PRPF4: variants seen among roughly 807,000 people sequenced by gnomAD.
PRPF4 encodes the protein U4/U6 small nuclear ribonucleoprotein Prp4.
In PRPF4, 14 loss-of-function variants were observed where a neutral mutation model predicts 72.2. The ratio of observed to expected loss-of-function variants is 0.19; its 90% CI spans 0.13 to 0.30. The LOEUF is 0.30. Ranked by LOEUF, PRPF4 falls within the 10% of genes least tolerant of loss-of-function variation. PRPF4 has a pLI of 1.00. For missense variants in PRPF4, 478 were observed against 653.9 expected, an observed-to-expected ratio of 0.73 and a Z score of 2.93; for synonymous variants, 225 against 232.2, an observed-to-expected ratio of 0.97 and a Z score of 0.28.
chr9:113,285,596 G>T lies in PRPF4; in HGVS notation c.750-636G>T, dbSNP rs184652446. ...GGTTTCACCGTGTTAGCCAGGATGG[G>T]CTCGATCTCCTGACCTTGTGATCTG... On this transcript the variant is annotated intron_variant, in intron 7 of 13. Coordinates refer to ENST00000374198, the MANE Select transcript of PRPF4 (RefSeq NM_001244926.2). Among the ~76,000 whole-genome samples, 872 of 151,234 alleles carry T rather than the reference G, an allele frequency of 5.8e-3. 5 individuals carry two copies. Among genetic ancestry groups the T allele is most frequent in the Middle Eastern group, 0.014 (4 of 294 alleles).
intron 3 of PRPF4, among the ~76,000 whole-genome samples, 170 bp downstream of exon 3, chr9:113,279,301 C>T (rs12343629): frequency 0.32 from 48,591 of 151,858 alleles, 8,078 homozygotes; most frequent in South Asian, 0.53. Context: ...CAATTTTTAC[C>T]GCACTATTAA....
intron 3 of PRPF4, among the ~76,000 whole-genome samples, chr9:113,280,845 C>CT (rs545977848): frequency 2.7e-4 from 41 of 151,002 alleles, no homozygotes; most frequent in Middle Eastern, 3.2e-3. Context: ...TTTTTTCTTC[C>CT]TTTTTTTTTC....
At position 113,283,483 on chromosome 9, in the gene PRPF4, G is replaced by A; in HGVS notation, c.654+1G>A. 6.2e-7 allele frequency: 1 copy of A among 1,613,854 alleles called. No individual in the cohort carries two copies. Among genetic ancestry groups the A allele is most frequent in the Non-Finnish European group, 8.5e-7 (1 of 1,179,868 alleles). On this transcript the variant is annotated splice_donor_variant, in intron 6 of 13. Coordinates refer to ENST00000374198, the MANE Select transcript of PRPF4 (RefSeq NM_001244926.2). LOFTEE classifies it high-confidence loss of function. ...GCAAGAGCTGCACAAGTCTCTCCGG[G>A]TAAGATGCTCCCAGCAATTGTCCCA... is the stretch of plus-strand genomic sequence containing the variant.
At position 113,276,613 on chromosome 9, in the gene PRPF4, T is replaced by C. The variant is rs367825835; in HGVS notation, c.93T>C (p.Tyr31=). 7.4e-6 allele frequency: 12 copies of C among 1,613,988 alleles called. No homozygotes were observed. The African/African-American group carries it at 1.1e-4, about 14-fold the overall frequency. The change falls in exon 2 of 14, where the codon TAT becomes TAC. Residue 31 remains tyrosine (Y), a synonymous_variant. Coordinates refer to ENST00000374198, the MANE Select transcript of PRPF4 (RefSeq NM_001244926.2). ...APVVKKPHIY[Y]GSLEEKERER... ...TCGTGAAGAAACCACACATCTATTATGGAAGTTTGGAAGAGAAGGAGAGGG... is the reference window on the plus strand; with the variant it reads ...TCGTGAAGAAACCACACATCTATTACGGAAGTTTGGAAGAGAAGGAGAGGG...
At chr9:113,282,950 C>T (rs1280416450) in intron 4 of PRPF4, 182 bp from the exon 5 acceptor site, 5 of 1,194,036 alleles carry the variant, frequency 4.2e-6, no homozygotes, top group Middle Eastern at 2.6e-4. Context: ...TCATGGCATT[C>T]CTGGTATAAC....
At chr9:113,280,289 C>T (rs1832238533) in intron 3 of PRPF4, among the ~76,000 whole-genome samples, 1 of 152,254 alleles carries the variant, frequency 6.6e-6, no homozygotes, top group African/African-American at 2.4e-5. Context: ...TTTTCTCTGC[C>T]TGCCCTTTAC....
In PRPF4 at chr9:113,289,793, T is replaced by G. The variant is rs1832555769; in HGVS notation, c.1023-673T>G. ...ATTGATCTATTTGTGTATGAGTGAT[T>G]TTTGTATCCCCAACATCCAATTTAG... On this transcript the variant is annotated intron_variant, in intron 10 of 13. Transcript: ENST00000374198. 2.6e-5 allele frequency among the ~76,000 whole-genome samples: 4 copies of G among 152,218 alleles called. No individual in the cohort carries two copies. In the South Asian group the frequency reaches 8.3e-4, roughly 32 times the overall value.
Position 113,275,724 on chromosome 9 carries a change from T to C in PRPF4, c.-20T>C. 2 of 1,608,960 alleles carry C rather than the reference T, an allele frequency of 1.2e-6. No homozygotes were observed. The highest frequency in any genetic ancestry group is 1.7e-6 in the Non-Finnish European group (2 of 1,177,576). ...GGAGTGTTCGGGTTTCGCTGGGGCC[T>C]CGCGGCTCCAGAGCCCAGCATGGCT... On this transcript the variant is annotated 5_prime_UTR_variant, in exon 1 of 14. Transcript: ENST00000374198.
In PRPF4 at chr9:113,282,806, C is replaced by T. The variant is rs958828787; in HGVS notation, c.480+73C>T. ...GGATAGGTCTCTCGTTTTCTGCTTT[C>T]AATGGTTTGTTTTGCTGAGATGTTG... On this transcript the variant is annotated intron_variant, in intron 4 of 13. Coordinates refer to ENST00000374198, the MANE Select transcript of PRPF4 (RefSeq NM_001244926.2). The T allele has an allele frequency of 1.1e-5, 14 of 1,299,680 alleles. No individual in the cohort carries two copies. The African/African-American group carries it at 1.3e-4, about 13-fold the overall frequency. 80.5% of individuals were successfully genotyped at this position (1,299,680 alleles called of 1,614,324 possible). A position where few individuals can be genotyped will look rare whatever the true frequency, so the allele number is the denominator to read the frequency against.
Position 113,288,317 on chromosome 9 carries a change from C to T in PRPF4, c.1022+53C>T, listed in dbSNP as rs776122518. 11 of 1,515,182 alleles carry T rather than the reference C, an allele frequency of 7.3e-6. No homozygotes were observed. In the Admixed American group the frequency reaches 1.7e-4, roughly 23 times the overall value. The allele number at this position is 1,515,182 out of a possible 1,614,324, so 93.9% of individuals were successfully genotyped here. On this transcript the variant is annotated intron_variant, in intron 10 of 13. Transcript: ENST00000374198. ...ATATAGGCCTGTAGCATCTTCTTAACCCTTTATGGCTATCTGCCAGGTAAA... is the reference window on the plus strand; with the variant it reads ...ATATAGGCCTGTAGCATCTTCTTAATCCTTTATGGCTATCTGCCAGGTAAA...
At chr9:113,289,731 A>G (rs141036444) in intron 10 of PRPF4, among the ~76,000 whole-genome samples, 80 of 152,248 alleles carry the variant, frequency 5.3e-4, no homozygotes, top group African/African-American at 1.8e-3. Context: ...ATCTGACCAT[A>G]TATGTGTGGT....
At chr9:113,289,565 T>C (rs547138830) in intron 10 of PRPF4, among the ~76,000 whole-genome samples, 10 of 152,368 alleles carry the variant, frequency 6.6e-5, no homozygotes, top group Admixed American at 4.6e-4. Context: ...TGATCATTAT[T>C]GCTCTTGAGT....
intron 10 of PRPF4, among the ~76,000 whole-genome samples, chr9:113,289,443 C>T (rs528338145): frequency 1.7e-4 from 26 of 152,180 alleles, no homozygotes; most frequent in South Asian, 4.1e-4. Flanking sequence ...TTTACATTCC[C>T]GGAGTTCTGG....
chr9:113,292,696 G>A lies in PRPF4; in HGVS notation c.*1036G>A, dbSNP rs760754714. The A allele has an allele frequency of 6.6e-6, 1 of 152,114 alleles. No individual in the cohort carries two copies. The highest frequency in any genetic ancestry group is 1.5e-5 in the Non-Finnish European group (1 of 68,034). 9.4% of individuals were successfully genotyped at this position (152,114 alleles called of 1,614,324 possible). On this transcript the variant is annotated 3_prime_UTR_variant, in exon 14 of 14. Transcript: ENST00000374198. The stretch of plus-strand genomic sequence containing the variant: ...CAAATGTTTAGAAAGCAAACATGAC[G>A]TCTCTATTGTACAACCTCCTTTCTC...
chr9:113,283,350 A>G, intron 5 of PRPF4, 39 bp from the exon 6 acceptor site: 1 of 1,613,734 alleles, frequency 6.2e-7, no homozygotes, highest in Non-Finnish European at 8.5e-7. Flanking sequence ...CCTTGTTTAC[A>G]ACCCTGTTGC....
At chr9:113,285,738 G>A (rs959852084) in intron 7 of PRPF4, among the ~76,000 whole-genome samples, 7 of 151,804 alleles carry the variant, frequency 4.6e-5, no homozygotes, top group African/African-American at 1.4e-4. Flanking sequence ...GGTGGCATGC[G>A]CCTGTTAGTC....
Position 113,286,264 on chromosome 9 carries a change from A to G in PRPF4, c.782A>G (p.Asp261Gly). 3 of 1,613,592 alleles carry G rather than the reference A, an allele frequency of 1.9e-6. No individual in the cohort carries two copies. Among genetic ancestry groups the G allele is most frequent in the Non-Finnish European group, 2.5e-6 (3 of 1,179,552 alleles). ...CTTTGCAAGCTCTGGTCTGTTCCTG[A>G]TTGCAACCTCCTTCACACTCTTCGA... ...SGLCKLWSVP[D>G]CNLLHTLRGH... The change falls in exon 8 of 14, where the codon GAT becomes GGT. Residue 261 changes from aspartate to glycine, a missense_variant. Physicochemically the swap from Asp to Gly is moderately conservative, Grantham distance 94 (BLOSUM62 -1). Transcript: ENST00000374198.
intron 7 of PRPF4, 61 bp downstream of exon 7, chr9:113,284,450 T>C: frequency 2.1e-6 from 3 of 1,407,168 alleles, no homozygotes; most frequent in Admixed American, 3.4e-5. Flanking sequence ...GGAAGAAAAT[T>C]AGCATTTGCG....
Position 113,282,786 on chromosome 9 carries a change from G to A in PRPF4, c.480+53G>A, listed in dbSNP as rs553818981. On this transcript the variant is annotated intron_variant, in intron 4 of 13. Coordinates refer to ENST00000374198, the MANE Select transcript of PRPF4 (RefSeq NM_001244926.2). Reference sequence around the variant, plus strand: ...TAAACATGAAGGAAATGAGGGGATAGGTCTCTCGTTTTCTGCTTTCAATGG... The same window carrying A: ...TAAACATGAAGGAAATGAGGGGATAAGTCTCTCGTTTTCTGCTTTCAATGG... 3 of 1,393,722 alleles carry A rather than the reference G, an allele frequency of 2.2e-6. No individual in the cohort carries two copies. The Admixed American group carries it at 5.8e-5, about 27-fold the overall frequency. The allele number at this position is 1,393,722 out of a possible 1,614,324, so 86.3% of individuals were successfully genotyped here. A position where few individuals can be genotyped will look rare whatever the true frequency, so the allele number is the denominator to read the frequency against.
Sources: allele counts gnomAD v4.1 joint callset (sites outside exome capture counted in the v4.1 genomes callset), GRCh38; gene constraint gnomAD v4.1.1; transcripts MANE v1.5; gene names NCBI Gene and HGNC (gene_info 2026-07-23, HGNC 2026-07-21).